Variants in ILRUN observed in about 807,000 individuals in gnomAD.
The protein encoded by ILRUN is protein ILRUN.
Under a neutral mutation model 33.8 loss-of-function variants are expected in ILRUN, and 3 were observed. That is an observed-to-expected ratio of 0.09 (90% confidence interval 0.04 to 0.23). The LOEUF (loss-of-function observed/expected upper bound fraction) is 0.23. Among genes scored for constraint, ILRUN ranks in the 10% least tolerant of loss-of-function variants. The pLI is 1.00. For missense variants in ILRUN, 210 were observed against 375.1 expected, an observed-to-expected ratio of 0.56 and a Z score of 3.64; for synonymous variants, 124 against 138.9, an observed-to-expected ratio of 0.89 and a Z score of 0.75.
intron 3 of ILRUN, among the ~76,000 whole-genome samples, chr6:34,614,443 A>AAAAAAAAAATATATATAT (rs71000073): frequency 2.2e-5 from 3 of 133,598 alleles, no homozygotes; most frequent in Admixed American, 1.5e-4. Flanking sequence ...AAAAAAAAAA[A>AAAAAAAAAATATATATAT]ATATATATAT....
intron 2 of ILRUN, among the ~76,000 whole-genome samples, chr6:34,652,231 A>AG (rs1762685685): frequency 6.6e-6 from 1 of 152,238 alleles, no homozygotes; most frequent in African/African-American, 2.4e-5. Flanking sequence ...TGAGAAAGAA[A>AG]TTAGGCAAAG....
rs1160769623 is a variant in ILRUN, at chr6:34,643,322, T to TGG, written c.511+3278_511+3279insCC. ...CTCAAAAAAAAAAAAAAAGTGCGTG[T>TGG]GTGTGTGTGTGTTAGTTTTAAGAAA... On this transcript the variant is annotated intron_variant, in intron 3 of 4. Coordinates refer to ENST00000374023, the MANE Select transcript of ILRUN (RefSeq NM_024294.4). 9.2e-4 allele frequency among the ~76,000 whole-genome samples: 137 copies of TGG among 149,136 alleles called. 1 individual carries two copies. The highest frequency in any genetic ancestry group is 3.5e-3 in the Middle Eastern group (1 of 288).
intron 3 of ILRUN, among the ~76,000 whole-genome samples, chr6:34,622,148 G>GA (rs910579138): frequency 6.6e-6 from 1 of 151,934 alleles, no homozygotes; most frequent in Non-Finnish European, 1.5e-5. Context: ...AAAACTCCTA[G>GA]AAAAAAGCTT....
chr6:34,651,558 A>C (rs1010034254), intron 2 of ILRUN, among the ~76,000 whole-genome samples: 1 of 152,192 alleles, frequency 6.6e-6, no homozygotes, highest in Non-Finnish European at 1.5e-5. Context: ...GATGGTATTT[A>C]AAACATTTCA....
intron 3 of ILRUN, among the ~76,000 whole-genome samples, chr6:34,610,684 G>A (rs1761729949): frequency 6.6e-6 from 1 of 152,164 alleles, no homozygotes; most frequent in Non-Finnish European, 1.5e-5. Flanking sequence ...AAGCATTTCA[G>A]ATAAGGGATA....
chr6:34,617,271 G>T, intron 3 of ILRUN: 1 of 353,284 alleles, frequency 2.8e-6, no homozygotes, highest in South Asian at 2.4e-5. Context: ...CGTCTATCAT[G>T]ATTATTTTTC....
At chr6:34,645,435 T>C (rs1273330415) in intron 3 of ILRUN, among the ~76,000 whole-genome samples, 1 of 152,152 alleles carries the variant, frequency 6.6e-6, no homozygotes, top group Non-Finnish European at 1.5e-5. Context: ...AGTGCAGTGG[T>C]GTGATCATGG....
intron 1 of ILRUN, among the ~76,000 whole-genome samples, chr6:34,682,063 C>CG (rs1210777597): frequency 2.7e-5 from 3 of 112,084 alleles, no homozygotes; most frequent in African/African-American, 7.3e-5. Flanking sequence ...TTTCTAGAGA[C>CG]GGGGTTTCAC....
At chr6:34,682,172 T>C (rs1233609565) in intron 1 of ILRUN, among the ~76,000 whole-genome samples, 1 of 144,634 alleles carries the variant, frequency 6.9e-6, no homozygotes, top group African/African-American at 2.6e-5. Context: ...ACGCCCAGCC[T>C]TGTCTGTTTT....
At chr6:34,625,540 A>G (rs1351506963) in intron 3 of ILRUN, among the ~76,000 whole-genome samples, 3 of 152,166 alleles carry the variant, frequency 2.0e-5, no homozygotes, top group African/African-American at 7.2e-5. Context: ...TTAGCTACTC[A>G]ACTCTCTTAC....
intron 3 of ILRUN, among the ~76,000 whole-genome samples, chr6:34,613,042 C>T: frequency 7.2e-6 from 1 of 138,288 alleles, no homozygotes; most frequent in South Asian, 2.2e-4. Context: ...GACTCCGTCT[C>T]AAGGAAAAAA....
intron 1 of ILRUN, among the ~76,000 whole-genome samples, chr6:34,676,049 C>T (rs1004534018): frequency 1.3e-5 from 2 of 152,006 alleles, no homozygotes; most frequent in African/African-American, 4.8e-5. Context: ...AGTCAAAAAA[C>T]AAAAACAGAA....
At chr6:34,667,826 AGGCG>A (rs1763035535) in intron 1 of ILRUN, among the ~76,000 whole-genome samples, 3 of 152,198 alleles carry the variant, frequency 2.0e-5, no homozygotes, top group Non-Finnish European at 4.4e-5. Context: ...TACCCACAAA[AGGCG>A]AAGGAACTGT....
intron 4 of ILRUN, among the ~76,000 whole-genome samples, chr6:34,599,057 T>G (rs1761457461): frequency 6.6e-6 from 1 of 152,206 alleles, no homozygotes; most frequent in Admixed American, 6.5e-5. Flanking sequence ...TGACACTAAG[T>G]GCATAAACTA....
At chr6:34,605,676 T>C (rs1448717096) in intron 4 of ILRUN, among the ~76,000 whole-genome samples, 1 of 152,064 alleles carries the variant, frequency 6.6e-6, no homozygotes, top group Non-Finnish European at 1.5e-5. Context: ...GTCAGAAAAA[T>C]ATCATTCTTA....
intron 3 of ILRUN, among the ~76,000 whole-genome samples, chr6:34,629,326 G>T (rs1328220626): frequency 6.6e-6 from 1 of 152,148 alleles, no homozygotes; most frequent in Non-Finnish European, 1.5e-5. Flanking sequence ...AGGTTATCAA[G>T]TTTGTGGGCA....
intron 4 of ILRUN, among the ~76,000 whole-genome samples, chr6:34,605,610 C>T (rs1240980579): frequency 3.9e-5 from 6 of 152,226 alleles, no homozygotes; most frequent in African/African-American, 1.4e-4. Flanking sequence ...GCCTGGGTGA[C>T]AGAGCAAGAC....
intron 4 of ILRUN, chr6:34,595,897 T>C: frequency 1.0e-6 from 1 of 985,456 alleles, no homozygotes. Flanking sequence ...CCTGGGTCAG[T>C]CCTGGTCAGT....
At chr6:34,678,201 G>A (rs1246300229) in intron 1 of ILRUN, among the ~76,000 whole-genome samples, 5 of 151,962 alleles carry the variant, frequency 3.3e-5, no homozygotes, top group East Asian at 3.9e-4. Context: ...CACCAGGCCC[G>A]GCTAATTTTT....
Sources: allele counts gnomAD v4.1 joint callset (sites outside exome capture counted in the v4.1 genomes callset), GRCh38; gene constraint gnomAD v4.1.1; transcripts MANE v1.5; gene names NCBI Gene and HGNC (gene_info 2026-07-23, HGNC 2026-07-21).